TMEM132D: variants seen among roughly 807,000 people sequenced by gnomAD.
TMEM132D encodes transmembrane protein 132D, also known as mature OL transmembrane protein.
TMEM132D carries 21 observed loss-of-function variants against 62.3 expected under a neutral mutation model. That is an observed-to-expected ratio of 0.34 (90% CI 0.24 to 0.49). TMEM132D has a LOEUF of 0.49. Ranked by LOEUF, TMEM132D falls within the 20% of genes least tolerant of loss-of-function variation. TMEM132D has a pLI of 0.99. For missense variants in TMEM132D, 1,346 were observed against 1,402.8 expected (o/e 0.96, Z 0.65); for synonymous variants, 621 against 575.6 (o/e 1.08, Z -1.13).
chr12:129,088,834 GA>G (rs1263957094), intron 5 of TMEM132D, among the ~76,000 whole-genome samples: 2 of 33,198 alleles, frequency 6.0e-5, no homozygotes, highest in East Asian at 2.0e-3. Context: ...CCATGACCGG[GA>G]TGTCCTCCAT....
intron 4 of TMEM132D, among the ~76,000 whole-genome samples, chr12:129,288,440 A>G (rs933971927): frequency 1.3e-5 from 2 of 152,246 alleles, no homozygotes; most frequent in Non-Finnish European, 2.9e-5. Context: ...AAAATGGGTT[A>G]AAGACTTAAA....
intron 3 of TMEM132D, among the ~76,000 whole-genome samples, chr12:129,431,438 T>C (rs1399240096): frequency 6.6e-6 from 1 of 152,174 alleles, no homozygotes; most frequent in African/African-American, 2.4e-5. Context: ...ATCCAGATGC[T>C]CGAAGTGTCT....
chr12:129,777,397 A>G (rs1018432722), intron 1 of TMEM132D, among the ~76,000 whole-genome samples: 1 of 152,248 alleles, frequency 6.6e-6, no homozygotes, highest in Admixed American at 6.5e-5. Context: ...TGGGAAGAAC[A>G]GAATCCACTT....
chr12:129,518,516 T>C, intron 3 of TMEM132D, among the ~76,000 whole-genome samples: 1 of 150,998 alleles, frequency 6.6e-6, no homozygotes, highest in East Asian at 1.9e-4. Flanking sequence ...TGTGTATATA[T>C]ATGTGTGTAT....
At chr12:129,658,622 GA>G (rs1287421874) in intron 2 of TMEM132D, among the ~76,000 whole-genome samples, 2 of 152,194 alleles carry the variant, frequency 1.3e-5, no homozygotes, top group East Asian at 3.8e-4. Context: ...AGTATAATGG[GA>G]GTGACATGCT....
At chr12:129,477,290 C>T (rs1874292179) in intron 3 of TMEM132D, among the ~76,000 whole-genome samples, 1 of 152,118 alleles carries the variant, frequency 6.6e-6, no homozygotes, top group South Asian at 2.1e-4. Flanking sequence ...GCTGACTCTT[C>T]AGTTCCTTTA....
At chr12:129,518,509 G>GTA (rs972515940) in intron 3 of TMEM132D, among the ~76,000 whole-genome samples, 87 of 150,432 alleles carry the variant, frequency 5.8e-4, no homozygotes, top group South Asian at 1.1e-3. Flanking sequence ...GTGTGTGTGT[G>GTA]TATATATATG....
chr12:129,323,255 A>G (rs1021369820), intron 4 of TMEM132D, among the ~76,000 whole-genome samples: 10 of 152,170 alleles, frequency 6.6e-5, no homozygotes, highest in South Asian at 2.1e-4. Context: ...TACAATTTAA[A>G]AAAAAAGCGT....
intron 4 of TMEM132D, among the ~76,000 whole-genome samples, chr12:129,238,471 A>G (rs1348001255): frequency 9.9e-5 from 15 of 152,192 alleles, no homozygotes; most frequent in Admixed American, 9.8e-4. Flanking sequence ...ACATTAAACA[A>G]CAACTTCCCT....
At chr12:129,901,327 A>G (rs1408327272) in intron 1 of TMEM132D, among the ~76,000 whole-genome samples, 1 of 152,242 alleles carries the variant, frequency 6.6e-6, no homozygotes, top group Non-Finnish European at 1.5e-5. Flanking sequence ...CCCTGAATGT[A>G]TAAATCACAT....
At chr12:129,442,631 T>A (rs2135721956) in intron 3 of TMEM132D, among the ~76,000 whole-genome samples, 1 of 150,894 alleles carries the variant, frequency 6.6e-6, no homozygotes, top group South Asian at 2.1e-4. Context: ...GGTCATCTAG[T>A]GGGATGTGCT....
chr12:129,322,855 T>C (rs188193217), intron 4 of TMEM132D, among the ~76,000 whole-genome samples: 17 of 152,364 alleles, frequency 1.1e-4, no homozygotes, highest in Admixed American at 4.6e-4. Context: ...ATTTAATAGA[T>C]AGGACTCTCA....
chr12:129,327,216 G>A (rs1244777126), intron 4 of TMEM132D, among the ~76,000 whole-genome samples: 3 of 152,248 alleles, frequency 2.0e-5, no homozygotes, highest in Non-Finnish European at 2.9e-5. Flanking sequence ...GCCAGTGGGC[G>A]GGGCAGCCTG....
intron 3 of TMEM132D, among the ~76,000 whole-genome samples, chr12:129,374,279 G>GAGAGAGAGAGAGAA (rs1216151299): frequency 1.3e-5 from 2 of 151,826 alleles, no homozygotes; most frequent in African/African-American, 4.8e-5. Flanking sequence ...CAGAGAGAGA[G>GAGAGAGAGAGAGAA]AGAGAGAGAG....
intron 5 of TMEM132D, among the ~76,000 whole-genome samples, chr12:129,207,051 C>T (rs1034135616): frequency 4.6e-5 from 7 of 152,080 alleles, no homozygotes; most frequent in East Asian, 1.9e-4. Flanking sequence ...CCCTGTGACA[C>T]GCAGGTGACC....
intron 1 of TMEM132D, among the ~76,000 whole-genome samples, chr12:129,817,999 G>C (rs1232849712): frequency 2.7e-5 from 4 of 147,796 alleles, no homozygotes; most frequent in Non-Finnish European, 6.0e-5. Flanking sequence ...TGTGGTGTAA[G>C]TGTGTGTGTC....
At chr12:129,170,047 A>G (rs143947539) in intron 5 of TMEM132D, 2 of 152,330 alleles carry the variant, frequency 1.3e-5, no homozygotes, top group South Asian at 2.1e-4. Flanking sequence ...CAGATGCCAC[A>G]CTGGACCACG....
chr12:129,348,931 G>A (rs896209333), intron 3 of TMEM132D, among the ~76,000 whole-genome samples: 32 of 152,254 alleles, frequency 2.1e-4, no homozygotes, highest in African/African-American at 7.0e-4. Flanking sequence ...GGTAAGAATA[G>A]TAACTTCCTT....
At chr12:129,288,516 T>C (rs1300916419) in intron 4 of TMEM132D, among the ~76,000 whole-genome samples, 1 of 152,208 alleles carries the variant, frequency 6.6e-6, no homozygotes, top group Non-Finnish European at 1.5e-5. Flanking sequence ...TCAATGTCTC[T>C]AATCATCAGA....
Sources: allele counts gnomAD v4.1 joint callset (sites outside exome capture counted in the v4.1 genomes callset), GRCh38; gene constraint gnomAD v4.1.1; transcripts MANE v1.5; gene names NCBI Gene and HGNC (gene_info 2026-07-23, HGNC 2026-07-21).